The following HMGCLL1 variants were observed in gnomAD, a reference collection of about 807,000 sequenced individuals.
HMGCLL1 encodes 3-hydroxy-3-methylglutaryl-CoA lyase like 1.
A neutral mutation model predicts 39.1 loss-of-function variants in HMGCLL1; 36 were observed. The observed-to-expected ratio is 0.92, with a 90% CI of 0.71 to 1.22. HMGCLL1 has a LOEUF of 1.22. Among genes scored for constraint, HMGCLL1 ranks in the 50% most tolerant of loss-of-function variants. The pLI, the probability that HMGCLL1 is intolerant of heterozygous loss-of-function variation, is 0.00. For missense variants in HMGCLL1, 451 were observed against 416.5 expected, an observed-to-expected ratio of 1.08 and a Z score of -0.72; for synonymous variants, 149 against 144.0, an observed-to-expected ratio of 1.03 and a Z score of -0.25.
At chr6:55,477,282 ATTATATATAAAAT>A (rs1765423075) in intron 7 of HMGCLL1, among the ~76,000 whole-genome samples, 8 of 16,804 alleles carry the variant, frequency 4.8e-4, no homozygotes, top group Non-Finnish European at 6.5e-4. Context: ...TATATTATAT[ATTATATATAAAAT>A]AATATATATT....
intron 3 of HMGCLL1, among the ~76,000 whole-genome samples, chr6:55,521,537 T>G (rs1451193249): frequency 6.6e-6 from 1 of 152,096 alleles, no homozygotes; most frequent in East Asian, 1.9e-4. Context: ...TCACAATACT[T>G]AAAACTTTTT....
intron 7 of HMGCLL1, among the ~76,000 whole-genome samples, chr6:55,486,113 G>GTA (rs955284231): frequency 2.0e-5 from 3 of 148,628 alleles, no homozygotes; most frequent in African/African-American, 7.4e-5. Context: ...GTGTGTGTGT[G>GTA]TATATATATA....
intron 7 of HMGCLL1, among the ~76,000 whole-genome samples, chr6:55,474,441 A>G (rs559303119): frequency 8.6e-5 from 13 of 151,368 alleles, no homozygotes; most frequent in African/African-American, 2.9e-4. Context: ...CTTCATTTCT[A>G]TTAGTTTTTT....
chr6:55,657,700 A>T, the HMGCLL1 span, among the ~76,000 whole-genome samples: 3 of 152,066 alleles, frequency 2.0e-5, no homozygotes, highest in Non-Finnish European at 4.4e-5. Flanking sequence ...AATTTGGTAC[A>T]TATACACCAT....
chr6:55,651,227 C>T, the HMGCLL1 span, among the ~76,000 whole-genome samples: 5 of 152,098 alleles, frequency 3.3e-5, no homozygotes, highest in African/African-American at 1.2e-4. Flanking sequence ...TAATTCAGAA[C>T]TCAGCTCTGT....
chr6:55,636,129 G>A, the HMGCLL1 span, among the ~76,000 whole-genome samples: 1 of 151,994 alleles, frequency 6.6e-6, no homozygotes, highest in East Asian at 1.9e-4. Flanking sequence ...TATGACCTAG[G>A]ACATCACACA....
At chr6:55,652,096 G>T in the HMGCLL1 span, among the ~76,000 whole-genome samples, 1 of 152,022 alleles carries the variant, frequency 6.6e-6, no homozygotes, top group South Asian at 2.1e-4. Context: ...CCTTTTCTAT[G>T]TGCAGACAGT....
chr6:55,559,856 T>C (rs1296637452), intron 1 of HMGCLL1, among the ~76,000 whole-genome samples: 1 of 152,184 alleles, frequency 6.6e-6, no homozygotes, highest in Non-Finnish European at 1.5e-5. Context: ...ATTTCTCACT[T>C]TTCCAGATGC....
the HMGCLL1 span, among the ~76,000 whole-genome samples, chr6:55,604,280 T>C: frequency 6.6e-6 from 1 of 152,126 alleles, no homozygotes; most frequent in Non-Finnish European, 1.5e-5. Context: ...ACATATAAAT[T>C]AGTTTGAGGA....
chr6:55,621,970 T>C, the HMGCLL1 span, among the ~76,000 whole-genome samples: 1 of 152,084 alleles, frequency 6.6e-6, no homozygotes, highest in Non-Finnish European at 1.5e-5. Flanking sequence ...CAGTTGAGTT[T>C]TCATTATAGA....
intron 1 of HMGCLL1, among the ~76,000 whole-genome samples, chr6:55,552,495 A>G (rs1328353259): frequency 6.6e-6 from 1 of 152,074 alleles, no homozygotes; most frequent in African/African-American, 2.4e-5. Context: ...GAAAAATTCT[A>G]TTACCACTCT....
the HMGCLL1 span, among the ~76,000 whole-genome samples, chr6:55,642,930 T>C: frequency 6.6e-6 from 1 of 152,266 alleles, no homozygotes; most frequent in African/African-American, 2.4e-5. Flanking sequence ...CTAAGGATAA[T>C]GGCCTCCAGC....
chr6:55,442,600 T>C (rs542719622), intron 7 of HMGCLL1, among the ~76,000 whole-genome samples: 39 of 152,138 alleles, frequency 2.6e-4, no homozygotes, highest in Non-Finnish European at 5.6e-4. Flanking sequence ...TAGAATTCTT[T>C]GGGACCTAAG....
chr6:55,549,509 G>A lies in HMGCLL1; in HGVS notation c.109-7369C>T, dbSNP rs771128677. 1.8e-3 allele frequency among the ~76,000 whole-genome samples: 278 copies of A among 151,298 alleles called. 4 individuals carry two copies. The highest frequency in any genetic ancestry group is 1.7e-3 in the Non-Finnish European group (113 of 67,870). On this transcript the variant is annotated intron_variant, in intron 1 of 8. Transcript: ENST00000274901. The stretch of plus-strand genomic sequence containing the variant: ...GGGATGATACATTTCTGAAAACTAC[G>A]GTTTATAATAGAAAATGAAACTATT...
chr6:55,602,840 G>A, the HMGCLL1 span, among the ~76,000 whole-genome samples: 722 of 152,134 alleles, frequency 4.7e-3, 7 homozygotes, highest in African/African-American at 0.017. Context: ...TGAGATCTGT[G>A]TATTATTTAA....
At chr6:55,504,828 T>C (rs1767072632) in intron 5 of HMGCLL1, among the ~76,000 whole-genome samples, 1 of 151,692 alleles carries the variant, frequency 6.6e-6, no homozygotes. Flanking sequence ...TGAATACTTG[T>C]CTAAGACATT....
Position 55,495,523 on chromosome 6 carries a change from T to G in HMGCLL1, c.691A>C (p.Arg231=). The stretch of plus-strand genomic sequence containing the variant: ...TCTTTCATCACACTTTCCAACATTC[T>G]TTTCATACTTCCTGGAGTTCCCACT... The part of the protein sequence containing the change: ...IGVGTPGSMK[R]MLESVMKEIP... The change falls in exon 7 of 9, where the codon AGA becomes CGA. Residue 231 remains arginine, a synonymous_variant. Coordinates refer to ENST00000274901, the MANE Select transcript of HMGCLL1 (RefSeq NM_001042406.2). 1 of 1,613,944 alleles carries G rather than the reference T, an allele frequency of 6.2e-7. No homozygotes were observed. The highest frequency in any genetic ancestry group is 8.5e-7 in the Non-Finnish European group (1 of 1,179,850).
chr6:55,524,608 T>G (rs1768215813), intron 3 of HMGCLL1, among the ~76,000 whole-genome samples: 1 of 151,852 alleles, frequency 6.6e-6, no homozygotes, highest in Non-Finnish European at 1.5e-5. Context: ...GACATATCAA[T>G]TAGCAAGAGC....
chr6:55,497,104 A>T (rs535400298), intron 6 of HMGCLL1, among the ~76,000 whole-genome samples: 1 of 152,272 alleles, frequency 6.6e-6, no homozygotes, highest in East Asian at 1.9e-4. Flanking sequence ...TTACTTTCAA[A>T]GAGCAATATG....
Sources: gnomAD v4.1 joint callset for allele counts (sites outside exome capture counted in the v4.1 genomes callset) on GRCh38, gnomAD v4.1.1 for gene constraint, MANE v1.5 for transcripts, NCBI Gene and HGNC (gene_info 2026-07-23, HGNC 2026-07-21) for gene names.